RYR3: variants seen among roughly 807,000 people sequenced by gnomAD.
The protein encoded by RYR3 is brain ryanodine receptor-calcium release channel.
A neutral mutation model predicts 584.3 loss-of-function variants in RYR3; 207 were observed. The ratio of observed to expected loss-of-function variants is 0.35; its 90% CI spans 0.32 to 0.40. The LOEUF (loss-of-function observed/expected upper bound fraction) is 0.40, where lower values mean the gene tolerates loss of function less well. RYR3 is among the 10% of genes least tolerant of loss of function. RYR3 has a pLI of 1.00. For missense variants in RYR3, 5,616 were observed against 6,089.2 expected (o/e 0.92, Z 2.59); for synonymous variants, 2,416 against 2,248.5 (o/e 1.07, Z -2.11).
chr15:33,669,403 A>T lies in RYR3; in HGVS notation c.5669A>T (p.Glu1890Val). The change falls in exon 37 of 104, where the codon GAG (glutamate) becomes GTG (valine). Residue 1890 changes from glutamate (E) to valine (V), a missense_variant. This residue lies in a region of RYR3 where 1,280 missense variants were observed against 1,426.2 expected (regional missense o/e 0.90). Coordinates refer to ENST00000634891, the MANE Select transcript of RYR3 (RefSeq NM_001036.6). ...CTGGGAGAGAACTGCCCCTGCCCAG[A>T]GGAGATTCGGGAGGAGCTGTATGAT... ...FQLGENCPCPEEIREELYDFH... is the reference protein window; with the variant it reads ...FQLGENCPCPVEIREELYDFH... The T allele has an allele frequency of 6.2e-7, 1 of 1,613,986 alleles. No individual in the cohort carries two copies.
At chr15:33,668,407 T>C (rs1449508146) in intron 36 of RYR3, among the ~76,000 whole-genome samples, 1 of 151,916 alleles carries the variant, frequency 6.6e-6, no homozygotes, top group African/African-American at 2.4e-5. Flanking sequence ...TAAAAGTATA[T>C]AAAAAGTTAA....
At chr15:33,808,689 A>T (rs2076338772) in intron 70 of RYR3, among the ~76,000 whole-genome samples, 1 of 152,184 alleles carries the variant, frequency 6.6e-6, no homozygotes, top group African/African-American at 2.4e-5. Flanking sequence ...CTGGTGGTAG[A>T]ATGGTGAGGA....
intron 3 of RYR3, among the ~76,000 whole-genome samples, chr15:33,507,108 T>G (rs2052549409): frequency 6.6e-6 from 1 of 152,246 alleles, no homozygotes; most frequent in African/African-American, 2.4e-5. Flanking sequence ...AAATTGGTCC[T>G]GGTGTACTGT....
At chr15:33,387,297 T>C (rs2041672310) in intron 1 of RYR3, among the ~76,000 whole-genome samples, 1 of 152,350 alleles carries the variant, frequency 6.6e-6, no homozygotes, top group East Asian at 1.9e-4. Context: ...AACATAGGTG[T>C]ACAAATATTT....
intron 19 of RYR3, among the ~76,000 whole-genome samples, chr15:33,617,189 C>G (rs549303251): frequency 6.6e-6 from 1 of 151,814 alleles, no homozygotes; most frequent in Non-Finnish European, 1.5e-5. Context: ...CTGAGGCGGG[C>G]GGATCATGAG....
At chr15:33,327,690 TTGCCTGCC>T (rs532080346) in intron 1 of RYR3, among the ~76,000 whole-genome samples, 2 of 152,008 alleles carry the variant, frequency 1.3e-5, no homozygotes, top group Non-Finnish European at 2.9e-5. Flanking sequence ...GGAGGGGAAG[TTGCCTGCC>T]TGCCTGCCTG....
At chr15:33,849,329 T>G (rs951175334) in intron 94 of RYR3, 1 of 152,204 alleles carries the variant, frequency 6.6e-6, no homozygotes, top group Non-Finnish European at 1.5e-5. Flanking sequence ...GACAGGCAGG[T>G]GACACCAAGG....
In RYR3 at chr15:33,418,321, G is replaced by A. The variant is rs185280777; in HGVS notation, c.52-55098G>A. 8.0e-5 allele frequency among the ~76,000 whole-genome samples: 12 copies of A among 149,788 alleles called. No homozygotes were observed. In the East Asian group the frequency reaches 2.1e-3, roughly 27 times the overall value. Reference sequence around the variant, plus strand: ...TCCATCTGGTCCAGGGCTTTTTCTCGTTGGCAGGTTTTTTTTTTTTATTAT... The same window carrying A: ...TCCATCTGGTCCAGGGCTTTTTCTCATTGGCAGGTTTTTTTTTTTTATTAT... On this transcript the variant is annotated intron_variant, in intron 1 of 103. Coordinates refer to ENST00000634891, the MANE Select transcript of RYR3 (RefSeq NM_001036.6).
chr15:33,476,672 T>C (rs1038944186), intron 2 of RYR3, among the ~76,000 whole-genome samples: 1 of 152,088 alleles, frequency 6.6e-6, no homozygotes, highest in Non-Finnish European at 1.5e-5. Flanking sequence ...TATCCAGGAG[T>C]AGAATTAATG....
rs775826306 is a variant in RYR3, at chr15:33,843,520, G to T, written c.13242G>T (p.Arg4414Ser). The T allele has an allele frequency of 1.2e-6, 2 of 1,604,688 alleles. No individual in the cohort carries two copies. Among genetic ancestry groups the T allele is most frequent in the East Asian group, 2.2e-5 (1 of 44,766 alleles). ...HYLARNFYNLRFLALFVAFAI... is the reference protein window; with the variant it reads ...HYLARNFYNLSFLALFVAFAI... ...TGGCCAGGAATTTCTACAACCTGAG[G>T]TTCCTTGCTCTGTTTGTAGCCTTCG... Residue 4414 changes from arginine to serine, a missense_variant, in exon 92 of 104, where the codon AGG becomes AGT. Arg to Ser is a moderately radical substitution (Grantham distance 110). Transcript: ENST00000634891.
At chr15:33,817,937 G>A (rs2076905452) in intron 75 of RYR3, among the ~76,000 whole-genome samples, 1 of 152,162 alleles carries the variant, frequency 6.6e-6, no homozygotes, top group African/African-American at 2.4e-5. Flanking sequence ...GACATTAGCT[G>A]TTATTTCTCT....
chr15:33,535,572 T>C (rs1434168089), intron 5 of RYR3, among the ~76,000 whole-genome samples: 2 of 152,224 alleles, frequency 1.3e-5, no homozygotes, highest in African/African-American at 2.4e-5. Context: ...TTTCTAAATA[T>C]AGACCAACTG....
chr15:33,659,933 G>A (rs960584353), intron 33 of RYR3, 127 bp downstream of exon 33: 1 of 689,988 alleles, frequency 1.4e-6, no homozygotes, highest in African/African-American at 1.8e-5. Context: ...CCACCCCCAG[G>A]CCCTGCCCTT....
chr15:33,620,858 G>A (rs891815964), intron 19 of RYR3, among the ~76,000 whole-genome samples: 16 of 152,212 alleles, frequency 1.1e-4, no homozygotes, highest in Non-Finnish European at 1.9e-4. Flanking sequence ...CACAGGGAAT[G>A]TCATCTGCAG....
intron 57 of RYR3, among the ~76,000 whole-genome samples, chr15:33,752,887 T>TTAA (rs548075529): frequency 7.2e-4 from 110 of 152,188 alleles, no homozygotes; most frequent in Admixed American, 3.5e-3. Context: ...GATACCTTAT[T>TTAA]TGATATTGGC....
chr15:33,758,444 G>A (rs746774870), intron 60 of RYR3, among the ~76,000 whole-genome samples: 11 of 152,156 alleles, frequency 7.2e-5, no homozygotes, highest in Non-Finnish European at 1.6e-4. Context: ...TGGGACACTC[G>A]GGCTTGGTTG....
rs190261435 is a variant in RYR3 at position 33,539,605 on chromosome 15, G to T, written c.546+143G>T. The T allele has an allele frequency of 5.6e-5, 27 of 482,548 alleles. No homozygotes were observed. The East Asian group carries it at 8.0e-4, about 14-fold the overall frequency. The allele number at this position is 482,548 out of a possible 1,614,324, so 29.9% of individuals were successfully genotyped here. On this transcript the variant is annotated intron_variant, in intron 6 of 103. Coordinates refer to ENST00000634891, the MANE Select transcript of RYR3 (RefSeq NM_001036.6). ...AGAGTTGACCCTTAAACAATGTAGG[G>T]GTTAGGGATGCTGACCCCCTGGCAC...
intron 38 of RYR3, 37 bp downstream of exon 38, chr15:33,670,593 C>A (rs749763162): frequency 3.2e-5 from 48 of 1,523,030 alleles, no homozygotes; most frequent in Non-Finnish European, 3.9e-5. Flanking sequence ...GTGTGCTCTT[C>A]TAAGACTTAA....
At chr15:33,517,416 C>T (rs1299041807) in intron 3 of RYR3, among the ~76,000 whole-genome samples, 2 of 152,246 alleles carry the variant, frequency 1.3e-5, no homozygotes, top group Non-Finnish European at 2.9e-5. Context: ...ACATTGGAAA[C>T]TCGCTGTAAT....
Sources: allele counts gnomAD v4.1 joint callset (sites outside exome capture counted in the v4.1 genomes callset), GRCh38; gene constraint gnomAD v4.1.1; regional missense constraint gnomAD v4.1.1; transcripts MANE v1.5; gene names NCBI Gene and HGNC (gene_info 2026-07-23, HGNC 2026-07-21).